Variants in CEP350 observed in about 807,000 individuals in gnomAD.
CEP350 encodes the protein centrosomal protein 350.
In CEP350, 126 loss-of-function variants were observed where a neutral mutation model predicts 331.8. That is an observed-to-expected ratio of 0.38 (90% CI 0.33 to 0.44). The LOEUF (loss-of-function observed/expected upper bound fraction) is 0.44, where lower values mean the gene tolerates loss of function less well. Ranked by LOEUF, CEP350 falls within the 20% of genes least tolerant of loss-of-function variation. The pLI is 1.00. For synonymous variants in CEP350, 1,200 were observed against 1,259.5 expected, an observed-to-expected ratio of 0.95 and a Z score of 1.00; for missense variants, 3,406 against 3,634.6, an observed-to-expected ratio of 0.94 and a Z score of 1.62.
intron 8 of CEP350, 108 bp downstream of exon 8, chr1:180,006,675 G>T: frequency 1.6e-6 from 1 of 641,176 alleles, no homozygotes; most frequent in Non-Finnish European, 2.8e-6. Flanking sequence ...TGATACACAG[G>T]GTATACGTGT....
intron 18 of CEP350, among the ~76,000 whole-genome samples, 160 bp downstream of exon 18, chr1:180,041,408 T>C (rs1656751045): frequency 6.6e-6 from 1 of 152,234 alleles, no homozygotes; most frequent in African/African-American, 2.4e-5. Flanking sequence ...CGATTTTTGT[T>C]ACAACCTTGT....
intron 11 of CEP350, 133 bp from the exon 12 acceptor site, chr1:180,019,816 T>C (rs1324576622): frequency 1.5e-6 from 1 of 679,794 alleles, no homozygotes; most frequent in Non-Finnish European, 2.2e-6. Context: ...TGAGTGATCT[T>C]TATCTTTTTT....
Position 179,986,234 on chromosome 1 carries a change from AAAGC to A in CEP350, c.57_60del (p.Ser19ArgfsTer8). ...CCTTTACCAAATCCAAGGAACTCTC[AAAGC>A]AAGGATACTGTTCAAGGTATGATTT... On this transcript the variant is annotated frameshift_variant, in exon 2 of 38. Transcript: ENST00000367607. LOFTEE classifies it high-confidence loss of function. 6.4e-7 allele frequency: 1 copy of A among 1,550,902 alleles called. No individual in the cohort carries two copies. Among genetic ancestry groups the A allele is most frequent in the Non-Finnish European group, 8.7e-7 (1 of 1,146,590 alleles).
chr1:180,068,117 C>T (rs992762054), intron 27 of CEP350, among the ~76,000 whole-genome samples: 1 of 152,134 alleles, frequency 6.6e-6, no homozygotes, highest in Non-Finnish European at 1.5e-5. Context: ...TTAGTGGGAA[C>T]CTTTTCATTT....
intron 17 of CEP350, among the ~76,000 whole-genome samples, chr1:180,040,165 C>CA (rs1367261320): frequency 6.6e-6 from 1 of 151,844 alleles, no homozygotes; most frequent in Non-Finnish European, 1.5e-5. Flanking sequence ...GACTAAATAA[C>CA]AGTAGTGTTG....
Position 180,093,190 on chromosome 1 carries a change from C to G in CEP350, c.7085C>G (p.Ser2362Cys). 6.3e-7 allele frequency: 1 copy of G among 1,599,532 alleles called. No individual in the cohort carries two copies. The highest frequency in any genetic ancestry group is 8.5e-7 in the Non-Finnish European group (1 of 1,172,152). ...AAGAACACAAAGGAAAAAGATTTGTCTTGGTCAGAACATCTTTTTGCTCCT... is the reference window on the plus strand; with the variant it reads ...AAGAACACAAAGGAAAAAGATTTGTGTTGGTCAGAACATCTTTTTGCTCCT... ...EQKNTKEKDL[S>C]WSEHLFAPKE... Residue 2362 changes from serine to cysteine, a missense_variant, in exon 34 of 38, where the codon TCT (serine) becomes TGT (cysteine). By Grantham distance (112) the Ser-to-Cys change is moderately radical. Transcript: ENST00000367607.
chr1:180,002,011 A>G (rs1356075667), intron 6 of CEP350, among the ~76,000 whole-genome samples: 1 of 152,210 alleles, frequency 6.6e-6, no homozygotes, highest in African/African-American at 2.4e-5. Flanking sequence ...AAGCTTATAA[A>G]AGCTGCTCAG....
At position 180,042,970 on chromosome 1, in the gene CEP350, T is replaced by G. The variant is rs140120017; in HGVS notation, c.4363-86T>G. On this transcript the variant is annotated intron_variant, in intron 19 of 37. Transcript: ENST00000367607. ...TTTGCTTGTTCTCAAGTCAGTGATC[T>G]TTCTTTCCAAGACACTATGCTCCTT... 1.1e-5 allele frequency: 16 copies of G among 1,442,588 alleles called. No individual in the cohort carries two copies. In the East Asian group the frequency reaches 3.8e-4, roughly 34 times the overall value. The allele number at this position is 1,442,588 out of a possible 1,614,324, so 89.4% of individuals were successfully genotyped here.
At chr1:179,981,383 AATCTG>A (rs1326750697) in intron 1 of CEP350, among the ~76,000 whole-genome samples, 2 of 152,218 alleles carry the variant, frequency 1.3e-5, no homozygotes, top group African/African-American at 2.4e-5. Context: ...GATCTTGAAT[AATCTG>A]TTTGACTTGG....
chr1:180,011,780 AG>A (rs1654675528), intron 8 of CEP350, 148 bp from the exon 9 acceptor site: 2 of 536,202 alleles, frequency 3.7e-6, no homozygotes, highest in Non-Finnish European at 6.5e-6. Context: ...TGACTTGGGG[AG>A]GTTAGGGTTT....
chr1:180,084,156 C>T lies in CEP350; in HGVS notation c.6263C>T (p.Ala2088Val), dbSNP rs1659723357. Reference protein sequence around the residue: ...RQKERLKAQEASLIKQLESYD... With the variant: ...RQKERLKAQEVSLIKQLESYD... ...AAGGAAAGACTGAAAGCCCAAGAAG[C>T]CAGTCTGATCAAGCAGTTAGAGGTT... Residue 2088 changes from alanine to valine, a missense_variant, in exon 31 of 38, where the codon GCC (alanine) becomes GTC (valine). By Grantham distance (64) the Ala-to-Val change is moderately conservative. This residue lies in a region of CEP350 where 1,415 missense variants were observed against 1,512.3 expected (regional missense o/e 0.94). Coordinates refer to ENST00000367607, the MANE Select transcript of CEP350 (RefSeq NM_014810.5). 1.3e-6 allele frequency: 2 copies of T among 1,587,868 alleles called. No homozygotes were observed. Among genetic ancestry groups the T allele is most frequent in the Non-Finnish European group, 1.7e-6 (2 of 1,166,614 alleles).
chr1:179,965,615 CTTTTTTTTT>C (rs747027286), intron 1 of CEP350, among the ~76,000 whole-genome samples: 2 of 84,392 alleles, frequency 2.4e-5, no homozygotes, highest in South Asian at 4.2e-4. Context: ...TTTTTCTTTT[CTTTTTTTTT>C]TTTTTTTTTT....
chr1:180,043,265 T>C, intron 20 of CEP350, 73 bp downstream of exon 20: 1 of 1,482,372 alleles, frequency 6.7e-7, no homozygotes. Flanking sequence ...AAATATGTAA[T>C]GAGTATTTGT....
At chr1:180,045,522 T>TTTTTTAAA (rs1657064340) in intron 21 of CEP350, among the ~76,000 whole-genome samples, 2 of 152,180 alleles carry the variant, frequency 1.3e-5, no homozygotes, top group South Asian at 4.1e-4. Flanking sequence ...AATTAAATCA[T>TTTTTTAAA]GAAACTAAAA....
chr1:180,006,602 G>GT, intron 8 of CEP350, 35 bp downstream of exon 8: 1 of 1,025,466 alleles, frequency 9.8e-7, no homozygotes, highest in Non-Finnish European at 1.5e-6. Flanking sequence ...CTTTTTTTTT[G>GT]TTTTTAATTA....
chr1:180,106,680 C>T (rs752813195), intron 37 of CEP350, among the ~76,000 whole-genome samples: 11 of 152,156 alleles, frequency 7.2e-5, no homozygotes, highest in Admixed American at 2.0e-4. Context: ...GATCCTCCTG[C>T]CTCGGTCTTC....
chr1:180,003,263 C>T lies in CEP350; in HGVS notation c.1108C>T (p.Arg370Ter). 1.2e-6 allele frequency: 2 copies of T among 1,610,594 alleles called. No individual in the cohort carries two copies. Among genetic ancestry groups the T allele is most frequent in the East Asian group, 2.2e-5 (1 of 44,826 alleles). The change falls in exon 7 of 38, where the codon CGA becomes TGA. Residue 370 changes from arginine (R) to a stop codon, truncating the protein, a stop_gained. Coordinates refer to ENST00000367607, the MANE Select transcript of CEP350 (RefSeq NM_014810.5). LOFTEE classifies it high-confidence loss of function. Reference sequence around the variant, plus strand: ...TCAAAACATGAGTAGAGAACTGTATCGAGATTTAGCACTTCACTTTGCAGG... The same window carrying T: ...TCAAAACATGAGTAGAGAACTGTATTGAGATTTAGCACTTCACTTTGCAGG... The part of the protein sequence containing the change: ...EFQNMSRELY[R>*]DLALHFADDI...
chr1:179,988,318 A>G (rs922631698), intron 3 of CEP350, among the ~76,000 whole-genome samples: 2 of 151,870 alleles, frequency 1.3e-5, no homozygotes, highest in African/African-American at 4.8e-5. Flanking sequence ...AAAAAAATTT[A>G]AAACAGAGGA....
intron 37 of CEP350, among the ~76,000 whole-genome samples, chr1:180,104,341 G>C (rs1277116018): frequency 6.6e-6 from 1 of 151,962 alleles, no homozygotes; most frequent in African/African-American, 2.4e-5. Flanking sequence ...CAATACTATA[G>C]ATAAAATGAA....
Sources: allele counts gnomAD v4.1 joint callset (sites outside exome capture counted in the v4.1 genomes callset), GRCh38; gene constraint gnomAD v4.1.1; regional missense constraint gnomAD v4.1.1; transcripts MANE v1.5; gene names NCBI Gene and HGNC (gene_info 2026-07-23, HGNC 2026-07-21).